The following PDE8B variants were observed in gnomAD, a reference collection of about 807,000 sequenced individuals.
PDE8B encodes phosphodiesterase 8B.
A neutral mutation model predicts 101.3 loss-of-function variants in PDE8B; 26 were observed. That is an observed-to-expected ratio of 0.26 (90% CI 0.19 to 0.36). PDE8B has a LOEUF of 0.36. Ranked by LOEUF, PDE8B falls within the 10% of genes least tolerant of loss-of-function variation. PDE8B has a pLI of 1.00. For synonymous variants in PDE8B, 424 were observed against 429.3 expected (o/e 0.99, Z 0.15); for missense variants, 810 against 1,163.1 (o/e 0.70, Z 4.42).
Position 77,391,478 on chromosome 5 carries a change from C to T in PDE8B, c.1168-8770C>T, listed in dbSNP as rs188009741. ...GAGAGCCCAGCAAAGGCAGGTGAGC[C>T]AGTCTGGGGGTGTGTTCAGCTCAAA... On this transcript the variant is annotated intron_variant, in intron 10 of 21. Coordinates refer to ENST00000264917, the MANE Select transcript of PDE8B (RefSeq NM_003719.5). 3.3e-5 allele frequency among the ~76,000 whole-genome samples: 5 copies of T among 152,342 alleles called. No homozygotes were observed. The East Asian group carries it at 9.6e-4, about 29-fold the overall frequency.
the PDE8B span, among the ~76,000 whole-genome samples, chr5:77,138,501 T>C: frequency 6.6e-6 from 1 of 152,226 alleles, no homozygotes; most frequent in African/African-American, 2.4e-5. Flanking sequence ...AGCAGGCTTC[T>C]TTCATTCTAA....
chr5:77,407,236 C>T (rs575807845), intron 12 of PDE8B, 145 bp from the exon 13 acceptor site: 202 of 722,944 alleles, frequency 2.8e-4, no homozygotes, highest in Non-Finnish European at 4.6e-4. Context: ...CCAGCCTTGG[C>T]AGAAGAGATG....
chr5:77,373,584 A>G (rs1785479585), intron 10 of PDE8B, among the ~76,000 whole-genome samples: 1 of 152,216 alleles, frequency 6.6e-6, no homozygotes, highest in Non-Finnish European at 1.5e-5. Flanking sequence ...TGTAAATAAA[A>G]TTAGAGAGTG....
the PDE8B span, among the ~76,000 whole-genome samples, chr5:77,158,988 C>G: frequency 1.3e-5 from 2 of 152,306 alleles, no homozygotes; most frequent in South Asian, 4.1e-4. Context: ...GAGAGAATGC[C>G]TCCTTGCCCT....
At chr5:77,310,452 C>A (rs940786353) in intron 1 of PDE8B, among the ~76,000 whole-genome samples, 5 of 152,246 alleles carry the variant, frequency 3.3e-5, no homozygotes, top group African/African-American at 9.6e-5. Flanking sequence ...TCAGCACCCA[C>A]ACCTTGCAGG....
At chr5:77,173,623 C>T in the PDE8B span, among the ~76,000 whole-genome samples, 122 of 150,832 alleles carry the variant, frequency 8.1e-4, no homozygotes, top group African/African-American at 2.9e-3. Context: ...ATCTATATTG[C>T]CCTCTTTTTT....
chr5:77,303,306 A>G (rs1308440888), intron 1 of PDE8B, among the ~76,000 whole-genome samples: 7 of 152,128 alleles, frequency 4.6e-5, no homozygotes, highest in Non-Finnish European at 8.8e-5. Context: ...TCGGGAGGCC[A>G]AGGTGGATGG....
chr5:77,308,002 G>T (rs2150088683), intron 1 of PDE8B, among the ~76,000 whole-genome samples: 1 of 152,354 alleles, frequency 6.6e-6, no homozygotes, highest in Non-Finnish European at 1.5e-5. Flanking sequence ...TGGCTACACA[G>T]ATGTCAGTAA....
Position 77,413,156 on chromosome 5 carries a change from A to G in PDE8B, c.1758A>G (p.Val586=). ...TAAAGGTCTTCTCTCGGTTTGGAGT[A>G]TGTGAATTTTTAAACTGTTCTGAAA... ...LGLKVFSRFG[V]CEFLNCSETT... The change falls in exon 17 of 22, where the codon GTA becomes GTG. Residue 586 remains valine, a synonymous_variant. Transcript: ENST00000264917. 1.2e-6 allele frequency: 2 copies of G among 1,614,090 alleles called. No homozygotes were observed. Among genetic ancestry groups the G allele is most frequent in the East Asian group, 4.5e-5 (2 of 44,886 alleles).
chr5:77,274,851 A>T (rs1200842281), intron 1 of PDE8B, among the ~76,000 whole-genome samples: 3 of 152,232 alleles, frequency 2.0e-5, no homozygotes, highest in African/African-American at 2.4e-5. Flanking sequence ...CATGCCATGC[A>T]AATTGTCATA....
At chr5:77,122,167 G>T in the PDE8B span, among the ~76,000 whole-genome samples, 3 of 152,168 alleles carry the variant, frequency 2.0e-5, no homozygotes, top group Non-Finnish European at 4.4e-5. Context: ...CCTCTGAGGG[G>T]TCTGAGCCTT....
chr5:77,154,856 C>T, the PDE8B span, among the ~76,000 whole-genome samples: 1 of 152,106 alleles, frequency 6.6e-6, no homozygotes, highest in African/African-American at 2.4e-5. Flanking sequence ...TCTATGGTGC[C>T]CTGCAGTGGA....
At chr5:77,167,597 G>A in the PDE8B span, among the ~76,000 whole-genome samples, 16 of 152,268 alleles carry the variant, frequency 1.1e-4, no homozygotes, top group East Asian at 7.7e-4. Flanking sequence ...AAGGGGGCAC[G>A]CGGCTGCTCC....
chr5:77,118,594 A>G, the PDE8B span: 5 of 390,016 alleles, frequency 1.3e-5, no homozygotes, highest in Non-Finnish European at 2.3e-5. Context: ...TTATGTTTGA[A>G]CTTGGTGTGA....
chr5:77,167,587 A>C, the PDE8B span, among the ~76,000 whole-genome samples: 1 of 152,168 alleles, frequency 6.6e-6, no homozygotes, highest in Non-Finnish European at 1.5e-5. Context: ...CTTCCTGTGC[A>C]AGGGGGCACG....
intron 10 of PDE8B, among the ~76,000 whole-genome samples, chr5:77,369,670 C>T (rs1784742688): frequency 6.6e-6 from 1 of 152,142 alleles, no homozygotes; most frequent in African/African-American, 2.4e-5. Flanking sequence ...GATGAAGAAA[C>T]TGATACTCAG....
At chr5:77,177,137 T>C in the PDE8B span, among the ~76,000 whole-genome samples, 1 of 152,182 alleles carries the variant, frequency 6.6e-6, no homozygotes, top group South Asian at 2.1e-4. Context: ...TGGTAGGTGA[T>C]AAATATCCAG....
upstream of PDE8B, among the ~76,000 whole-genome samples, chr5:77,206,298 A>G (rs1356639179): frequency 3.3e-5 from 5 of 152,224 alleles, no homozygotes; most frequent in African/African-American, 1.2e-4. Context: ...GAGAAGGCAG[A>G]CAATAAACAT....
chr5:77,261,538 G>A (rs1760578054), intron 1 of PDE8B, among the ~76,000 whole-genome samples: 1 of 152,202 alleles, frequency 6.6e-6, no homozygotes. Context: ...ACAAAATGAT[G>A]TAATTGATAG....
Sources: gnomAD v4.1 joint callset for allele counts (sites outside exome capture counted in the v4.1 genomes callset) on GRCh38, gnomAD v4.1.1 for gene constraint, MANE v1.5 for transcripts, NCBI Gene and HGNC (gene_info 2026-07-23, HGNC 2026-07-21) for gene names.